Variants in AAGAB observed in about 807,000 individuals in gnomAD.
AAGAB encodes alpha and gamma adaptin binding protein.
In AAGAB, 38 loss-of-function variants were observed where a neutral mutation model predicts 44.1. That is an observed-to-expected ratio of 0.86 (90% confidence interval 0.67 to 1.13). AAGAB has a LOEUF of 1.13. AAGAB is among the 50% of genes most tolerant of loss of function. The probability of loss-of-function intolerance (pLI) is 0.00; values close to 1 mark genes in which losing one functional copy is unlikely to be tolerated. For synonymous variants in AAGAB, 131 were observed against 131.8 expected (o/e 0.99, Z 0.04); for missense variants, 450 against 373.8 (o/e 1.20, Z -1.68).
chr15:67,231,415 A>G (rs1964332157), intron 5 of AAGAB, among the ~76,000 whole-genome samples: 1 of 152,118 alleles, frequency 6.6e-6, no homozygotes, highest in Non-Finnish European at 1.5e-5. Context: ...CATGTTTCTG[A>G]TTTTATGCAC....
At chr15:67,206,838 A>G (rs1473289791) in intron 7 of AAGAB, among the ~76,000 whole-genome samples, 1 of 152,138 alleles carries the variant, frequency 6.6e-6, no homozygotes, top group Non-Finnish European at 1.5e-5. Flanking sequence ...CCTGGAATCA[A>G]CCACTTCTCC....
chr15:67,208,999 C>T (rs575538060), intron 6 of AAGAB, among the ~76,000 whole-genome samples: 2 of 152,152 alleles, frequency 1.3e-5, no homozygotes, highest in African/African-American at 4.8e-5. Context: ...AAAAAGATCC[C>T]TGGAAAGACA....
chr15:67,239,083 T>C (rs1964536407), intron 1 of AAGAB, among the ~76,000 whole-genome samples: 2 of 152,160 alleles, frequency 1.3e-5, no homozygotes, highest in South Asian at 4.1e-4. Flanking sequence ...AATTCACTTG[T>C]TGCTAAGGGG....
intron 4 of AAGAB, chr15:67,232,527 CT>C: frequency 2.6e-6 from 1 of 377,654 alleles, no homozygotes. Context: ...CATTGATGTC[CT>C]TCACCCCGGG....
intron 4 of AAGAB, among the ~76,000 whole-genome samples, chr15:67,235,548 C>T (rs1236380168): frequency 6.6e-6 from 1 of 152,136 alleles, no homozygotes; most frequent in Non-Finnish European, 1.5e-5. Context: ...CTTTTGGCTT[C>T]AAATGTCCAA....
chr15:67,202,527 A>G lies in AAGAB; in HGVS notation c.*294T>C, dbSNP rs1033219929. ...CTGGAGGTTGTCTTCAACTTGAGTAAATCACACAGACCTCTGAGATTTATC... is the reference window on the plus strand; with the variant it reads ...CTGGAGGTTGTCTTCAACTTGAGTAGATCACACAGACCTCTGAGATTTATC... On this transcript the variant is annotated 3_prime_UTR_variant, in exon 10 of 10. Transcript: ENST00000261880. The G allele has an allele frequency of 6.1e-6, 2 of 328,446 alleles. No individual in the cohort carries two copies. The highest frequency in any genetic ancestry group is 5.6e-6 in the Non-Finnish European group (1 of 178,114). 20.3% of individuals were successfully genotyped at this position (328,446 alleles called of 1,614,324 possible). A position where few individuals can be genotyped will look rare whatever the true frequency, so the allele number is the denominator to read the frequency against.
At chr15:67,243,102 T>C (rs12900708) in intron 1 of AAGAB, among the ~76,000 whole-genome samples, 30,610 of 151,786 alleles carry the variant, frequency 0.2, 3,950 homozygotes, top group East Asian at 0.47. Flanking sequence ...AATAGTCATC[T>C]GGAATTGGTC....
Position 67,244,050 on chromosome 15 carries a change from C to T in AAGAB, c.74-7230G>A, listed in dbSNP as rs1040267924. Reference sequence around the variant, plus strand: ...ACAAATTAGCATGAAGTAATAAAACCTTACAAGAAATGTCAATGCTCAGGA... The same window carrying T: ...ACAAATTAGCATGAAGTAATAAAACTTTACAAGAAATGTCAATGCTCAGGA... On this transcript the variant is annotated intron_variant, in intron 1 of 9. Transcript: ENST00000261880. Among the ~76,000 whole-genome samples, 5 of 151,810 alleles carry T rather than the reference C, an allele frequency of 3.3e-5. No homozygotes were observed. In the East Asian group the frequency reaches 9.6e-4, roughly 29 times the overall value.
At chr15:67,246,751 T>C (rs1027000556) in intron 1 of AAGAB, among the ~76,000 whole-genome samples, 4 of 151,064 alleles carry the variant, frequency 2.6e-5, no homozygotes, top group Admixed American at 2.0e-4. Context: ...AGCTAAAGGA[T>C]TGTAAATGCA....
intron 4 of AAGAB, among the ~76,000 whole-genome samples, chr15:67,235,515 G>A (rs1964440331): frequency 6.6e-6 from 1 of 152,164 alleles, no homozygotes; most frequent in African/African-American, 2.4e-5. Flanking sequence ...GGGTGGAGGT[G>A]GGGGATTAAA....
In AAGAB at chr15:67,202,860, T is replaced by C; in HGVS notation, c.909A>G (p.Arg303=). ...KAFWMAIGGD[R]DEIEGLSSDE... is the part of the protein sequence containing the mutation. ...CAGATGAAAGGCCTTCAATTTCATCTCTGTCTCCCCCGATTGCCATCCAGA... is the reference window on the plus strand; with the variant it reads ...CAGATGAAAGGCCTTCAATTTCATCCCTGTCTCCCCCGATTGCCATCCAGA... Residue 303 remains arginine, a synonymous_variant, in exon 10 of 10, where the codon AGA becomes AGG. Coordinates refer to ENST00000261880, the MANE Select transcript of AAGAB (RefSeq NM_024666.5). The C allele has an allele frequency of 6.2e-7, 1 of 1,614,120 alleles. No homozygotes were observed. The highest frequency in any genetic ancestry group is 1.3e-5 in the African/African-American group (1 of 75,032).
At chr15:67,214,184 C>A (rs1432335727) in intron 5 of AAGAB, among the ~76,000 whole-genome samples, 1 of 144,274 alleles carries the variant, frequency 6.9e-6, no homozygotes, top group Non-Finnish European at 1.5e-5. Flanking sequence ...ATGTTTCATT[C>A]ATATATAGTT....
intron 1 of AAGAB, among the ~76,000 whole-genome samples, chr15:67,238,822 A>C (rs1964529493): frequency 6.6e-6 from 1 of 151,320 alleles, no homozygotes; most frequent in African/African-American, 2.4e-5. Flanking sequence ...CAGCCTCCCC[A>C]GTAGCTGGGA....
At position 67,203,989 on chromosome 15, in the gene AAGAB, G is replaced by A. The variant is rs118158950; in HGVS notation, c.820+55C>T. 4.2e-4 allele frequency: 471 copies of A among 1,122,214 alleles called. 3 individuals are homozygous for A. In the East Asian group the frequency reaches 7.8e-3, roughly 19 times the overall value. 69.5% of individuals were successfully genotyped at this position (1,122,214 alleles called of 1,614,324 possible). Reference sequence around the variant, plus strand: ...AGTTAACAAAATAAAATGCTACTACGTAAAACAGACAAGCATCAACATGGG... The same window carrying A: ...AGTTAACAAAATAAAATGCTACTACATAAAACAGACAAGCATCAACATGGG... On this transcript the variant is annotated intron_variant, in intron 8 of 9. Coordinates refer to ENST00000261880, the MANE Select transcript of AAGAB (RefSeq NM_024666.5).
chr15:67,232,082 C>T (rs2140373592), intron 4 of AAGAB, among the ~76,000 whole-genome samples, 185 bp from the exon 5 acceptor site: 1 of 151,936 alleles, frequency 6.6e-6, no homozygotes, highest in East Asian at 1.9e-4. Flanking sequence ...AGAGAAACCC[C>T]ATCTCTACTA....
rs144563695 is a variant in AAGAB at position 67,210,592 on chromosome 15, C to T, written c.536-1048G>A. Among the ~76,000 whole-genome samples the T allele has an allele frequency of 1.8e-3, 269 of 152,238 alleles. 1 individual carries two copies. The highest frequency in any genetic ancestry group is 0.011 in the South Asian group (51 of 4,824). On this transcript the variant is annotated intron_variant, in intron 5 of 9. Coordinates refer to ENST00000261880, the MANE Select transcript of AAGAB (RefSeq NM_024666.5). ...ATCTACAGTTAAGACTCCCAGTATGCTGTTTGTATTTACAACGGAGGACAA... is the reference window on the plus strand; with the variant it reads ...ATCTACAGTTAAGACTCCCAGTATGTTGTTTGTATTTACAACGGAGGACAA...
chr15:67,213,831 A>T (rs1963880324), intron 5 of AAGAB, among the ~76,000 whole-genome samples: 1 of 152,280 alleles, frequency 6.6e-6, no homozygotes, highest in Non-Finnish European at 1.5e-5. Flanking sequence ...AGGTACTTAC[A>T]ATGTTTCTTT....
upstream of AAGAB, chr15:67,254,778 C>T: frequency 1.5e-6 from 2 of 1,340,246 alleles, no homozygotes; most frequent in Non-Finnish European, 2.1e-6. Context: ...CCCTTCCGCT[C>T]CCAGCGTGGA....
At chr15:67,235,509 G>A (rs747246110) in intron 4 of AAGAB, among the ~76,000 whole-genome samples, 3 of 152,168 alleles carry the variant, frequency 2.0e-5, no homozygotes, top group Non-Finnish European at 4.4e-5. Flanking sequence ...TACCTGGGGT[G>A]GAGGTGGGGG....
Sources: allele counts gnomAD v4.1 joint callset (sites outside exome capture counted in the v4.1 genomes callset), GRCh38; gene constraint gnomAD v4.1.1; transcripts MANE v1.5; gene names NCBI Gene and HGNC (gene_info 2026-07-23, HGNC 2026-07-21).